FBXO34: variants seen among roughly 807,000 people sequenced by gnomAD.
FBXO34 encodes the protein F-box protein 34.
In FBXO34, 12 loss-of-function variants were observed where a neutral mutation model predicts 24.5. That is an observed-to-expected ratio of 0.49 (90% CI 0.31 to 0.79). The LOEUF is 0.79. Ranked by LOEUF, FBXO34 falls within the 30% of genes least tolerant of loss-of-function variation. FBXO34 has a pLI of 0.04. For missense variants in FBXO34, 823 were observed against 857.7 expected, an observed-to-expected ratio of 0.96 and a Z score of 0.51; for synonymous variants, 320 against 311.9, an observed-to-expected ratio of 1.03 and a Z score of -0.27.
the FBXO34 span, among the ~76,000 whole-genome samples, chr14:55,422,227 A>T: frequency 2.0e-5 from 3 of 152,240 alleles, no homozygotes; most frequent in Admixed American, 2.0e-4. Flanking sequence ...CATGGAGATC[A>T]GTTTGGCTCA....
the FBXO34 span, among the ~76,000 whole-genome samples, chr14:55,403,543 CT>C: frequency 3.4e-4 from 51 of 149,302 alleles, no homozygotes; most frequent in South Asian, 3.6e-3. Flanking sequence ...CATATATAAT[CT>C]TTTTTTTTTC....
chr14:55,415,843 G>GCGAC, the FBXO34 span, among the ~76,000 whole-genome samples: 3 of 152,128 alleles, frequency 2.0e-5, no homozygotes, highest in Non-Finnish European at 4.4e-5. Context: ...TCCAGCCTGG[G>GCGAC]CGACACAGCG....
chr14:55,352,533 T>C lies in FBXO34; in HGVS notation c.*7T>C, dbSNP rs928138195. The C allele has an allele frequency of 1.3e-6, 2 of 1,581,930 alleles. No individual in the cohort carries two copies. Among genetic ancestry groups the C allele is most frequent in the South Asian group, 1.2e-5 (1 of 85,604 alleles). ...AGCTGAAGAGGAATACTAAAGTCCA[T>C]GTGAGAGGCAACAAAAGGACCGGTT... On this transcript the variant is annotated 3_prime_UTR_variant, in exon 2 of 2. Transcript: ENST00000313833.
chr14:55,436,525 C>A, the FBXO34 span: 31 of 1,554,160 alleles, frequency 2.0e-5, no homozygotes, highest in African/African-American at 4.1e-4. Context: ...AAATGTGTAC[C>A]CAATGTGCTC....
the FBXO34 span, among the ~76,000 whole-genome samples, chr14:55,388,060 C>A: frequency 1.3e-5 from 2 of 151,860 alleles, no homozygotes; most frequent in Non-Finnish European, 2.9e-5. Flanking sequence ...TTGCTTGAAC[C>A]CGGGAGGTGA....
the FBXO34 span, among the ~76,000 whole-genome samples, chr14:55,380,875 A>ATATATATATATTT: frequency 7.1e-5 from 8 of 112,704 alleles, no homozygotes; most frequent in African/African-American, 3.0e-4. Flanking sequence ...ATATATATAT[A>ATATATATATATTT]TTTTTTTTTT....
chr14:55,440,649 C>T, the FBXO34 span: 1 of 1,303,744 alleles, frequency 7.7e-7, no homozygotes, highest in Non-Finnish European at 1.0e-6. Flanking sequence ...ATGCGGAACC[C>T]AGCTACCGGC....
At chr14:55,344,811 G>T (rs1396771168) in intron 1 of FBXO34, among the ~76,000 whole-genome samples, 1 of 151,924 alleles carries the variant, frequency 6.6e-6, no homozygotes, top group Non-Finnish European at 1.5e-5. Flanking sequence ...GTGAGAACAT[G>T]CGGTGTTTGG....
the FBXO34 span, among the ~76,000 whole-genome samples, chr14:55,402,968 T>TATATATAA: frequency 1.1e-4 from 7 of 60,986 alleles, no homozygotes; most frequent in East Asian, 1.5e-3. Flanking sequence ...TATATATATA[T>TATATATAA]AAATAGCTGG....
At chr14:55,335,840 T>C (rs530193683) in intron 1 of FBXO34, among the ~76,000 whole-genome samples, 2 of 152,338 alleles carry the variant, frequency 1.3e-5, no homozygotes, top group East Asian at 3.9e-4. Flanking sequence ...TGAAGCTCTT[T>C]AGAGCAATGT....
chr14:55,273,240 G>A (rs1349701076), intron 1 of FBXO34, among the ~76,000 whole-genome samples: 4 of 151,746 alleles, frequency 2.6e-5, no homozygotes, highest in African/African-American at 9.7e-5. Context: ...TGATTGATAA[G>A]ATACTGTCTC....
chr14:55,426,683 G>A, the FBXO34 span, among the ~76,000 whole-genome samples: 4 of 151,672 alleles, frequency 2.6e-5, no homozygotes, highest in Non-Finnish European at 4.4e-5. Context: ...AGAAAGTTGT[G>A]GGAATACAAA....
chr14:55,332,029 C>G (rs1207183193), intron 1 of FBXO34, among the ~76,000 whole-genome samples: 5 of 115,760 alleles, frequency 4.3e-5, no homozygotes, highest in Non-Finnish European at 6.9e-5. Context: ...TATATACCAC[C>G]GTGGTGGTAT....
At chr14:55,372,135 T>A (rs1429717739), downstream of FBXO34, among the ~76,000 whole-genome samples, 1 of 152,156 alleles carries the variant, frequency 6.6e-6, no homozygotes, top group African/African-American at 2.4e-5. Flanking sequence ...TCATCTCACA[T>A]ATCTGAACCA....
chr14:55,329,242 A>C (rs1883454180), intron 1 of FBXO34, among the ~76,000 whole-genome samples: 1 of 151,976 alleles, frequency 6.6e-6, no homozygotes, highest in Non-Finnish European at 1.5e-5. Context: ...TGTTGCAGGA[A>C]TGAATGTGTC....
intron 1 of FBXO34, among the ~76,000 whole-genome samples, chr14:55,300,573 C>T (rs564454778): frequency 1.3e-5 from 2 of 152,236 alleles, no homozygotes; most frequent in Non-Finnish European, 1.5e-5. Flanking sequence ...CCAGCCTGGG[C>T]GACAGAGCGA....
At chr14:55,383,294 T>C in the FBXO34 span, among the ~76,000 whole-genome samples, 4 of 152,144 alleles carry the variant, frequency 2.6e-5, no homozygotes, top group South Asian at 6.2e-4. Flanking sequence ...TTCATGCCTG[T>C]AATCCCAGCA....
chr14:55,359,079 C>CT (rs2140101685), intron 3 of FBXO34, among the ~76,000 whole-genome samples: 1 of 152,198 alleles, frequency 6.6e-6, no homozygotes, highest in African/African-American at 2.4e-5. Context: ...CCAGCATAGT[C>CT]TCTCTGGCAG....
At chr14:55,330,802 A>C (rs982536717) in intron 1 of FBXO34, among the ~76,000 whole-genome samples, 1 of 152,108 alleles carries the variant, frequency 6.6e-6, no homozygotes, top group Non-Finnish European at 1.5e-5. Flanking sequence ...TCAATCAGTA[A>C]TTTGTGTATG....
Sources: allele counts gnomAD v4.1 joint callset (sites outside exome capture counted in the v4.1 genomes callset), GRCh38; gene constraint gnomAD v4.1.1; transcripts MANE v1.5; gene names NCBI Gene and HGNC (gene_info 2026-07-23, HGNC 2026-07-21).